The following PRRX2 variants were observed in gnomAD, a reference collection of about 807,000 sequenced individuals.
PRRX2 encodes the protein paired related homeobox 2.
A neutral mutation model predicts 18.0 loss-of-function variants in PRRX2; 11 were observed. The observed-to-expected ratio is 0.61, with a 90% confidence interval of 0.39 to 1.01. The LOEUF is 1.01. Ranked by LOEUF, PRRX2 falls within the 50% of genes least tolerant of loss-of-function variation. PRRX2 has a pLI of 0.01. For missense variants in PRRX2, 387 were observed against 351.0 expected (o/e 1.10, Z -0.82); for synonymous variants, 177 against 154.8 (o/e 1.14, Z -1.06).
intron 1 of PRRX2, 135 bp downstream of exon 1, chr9:129,666,261 C>T: frequency 2.1e-5 from 15 of 719,252 alleles, no homozygotes; most frequent in Non-Finnish European, 2.4e-5. Context: ...TCTGGGGGCG[C>T]GTGTAAGTGA....
chr9:129,720,229 G>A (rs1237003596), intron 2 of PRRX2, among the ~76,000 whole-genome samples: 3 of 148,870 alleles, frequency 2.0e-5, no homozygotes, highest in Non-Finnish European at 4.4e-5. Flanking sequence ...CTCTCCCCGC[G>A]AGTGCTCAGC....
Position 129,705,448 on chromosome 9 carries a change from G to A in PRRX2, c.260-13783G>A, listed in dbSNP as rs536027122. On this transcript the variant is annotated intron_variant, in intron 1 of 3. Coordinates refer to ENST00000372469, the MANE Select transcript of PRRX2 (RefSeq NM_016307.4). Reference sequence around the variant, plus strand: ...TGGCCCACGGCAACCTCCGCCTCCCGGGTTCAAGCAATTCTCCTGCCTCAG... The same window carrying A: ...TGGCCCACGGCAACCTCCGCCTCCCAGGTTCAAGCAATTCTCCTGCCTCAG... 8.5e-5 allele frequency among the ~76,000 whole-genome samples: 13 copies of A among 152,208 alleles called. 1 individual carries two copies. The South Asian group carries it at 1.0e-3, about 12-fold the overall frequency.
chr9:129,683,172 A>G (rs559526642), intron 1 of PRRX2, among the ~76,000 whole-genome samples: 1 of 152,254 alleles, frequency 6.6e-6, no homozygotes, highest in East Asian at 1.9e-4. Context: ...TATTTGGGTG[A>G]AGTCACTGCC....
intron 1 of PRRX2, among the ~76,000 whole-genome samples, chr9:129,681,372 T>G (rs1239594173): frequency 6.6e-6 from 1 of 151,920 alleles, no homozygotes; most frequent in Non-Finnish European, 1.5e-5. Flanking sequence ...ATACAAAAAT[T>G]AGCCAGGCAT....
At chr9:129,702,174 G>A (rs1832506681) in intron 1 of PRRX2, among the ~76,000 whole-genome samples, 1 of 151,930 alleles carries the variant, frequency 6.6e-6, no homozygotes, top group African/African-American at 2.4e-5. Context: ...GAGGCGGGTG[G>A]ATCACGAGGT....
chr9:129,694,477 G>C (rs747194019), intron 1 of PRRX2, among the ~76,000 whole-genome samples: 1 of 152,204 alleles, frequency 6.6e-6, no homozygotes, highest in Non-Finnish European at 1.5e-5. Flanking sequence ...AAGCCACCGT[G>C]TCCAGCCCTT....
At chr9:129,683,915 G>A (rs373143789) in intron 1 of PRRX2, among the ~76,000 whole-genome samples, 1 of 152,248 alleles carries the variant, frequency 6.6e-6, no homozygotes, top group Admixed American at 6.5e-5. Context: ...GAGCCCTCCT[G>A]TCCCTACCCT....
At chr9:129,681,790 C>T (rs565586021) in intron 1 of PRRX2, among the ~76,000 whole-genome samples, 53 of 152,084 alleles carry the variant, frequency 3.5e-4, no homozygotes, top group African/African-American at 1.3e-3. Context: ...GGGGAGTGAA[C>T]CCCATTCCAG....
chr9:129,683,955 G>T (rs1201447316), intron 1 of PRRX2, among the ~76,000 whole-genome samples: 1 of 152,132 alleles, frequency 6.6e-6, no homozygotes, highest in Non-Finnish European at 1.5e-5. Context: ...GCTAACGGGA[G>T]CCCCTCCCAA....
intron 1 of PRRX2, among the ~76,000 whole-genome samples, chr9:129,705,148 G>A (rs1243122399): frequency 9.1e-5 from 5 of 55,228 alleles, no homozygotes; most frequent in East Asian, 5.0e-4. Context: ...CACCCACCCC[G>A]CACCCCATTC....
At chr9:129,683,762 C>A (rs1321280159) in intron 1 of PRRX2, among the ~76,000 whole-genome samples, 5 of 152,176 alleles carry the variant, frequency 3.3e-5, no homozygotes, top group African/African-American at 9.6e-5. Context: ...AAAAAAGACA[C>A]AGGCAGGTAA....
At chr9:129,684,532 A>ACACACACCCC (rs1165343797) in intron 1 of PRRX2, among the ~76,000 whole-genome samples, 8 of 140,282 alleles carry the variant, frequency 5.7e-5, no homozygotes, top group African/African-American at 8.6e-5. Flanking sequence ...ACCCACACAC[A>ACACACACCCC]CCCCAACAGA....
rs1044371810 is a variant in PRRX2, at chr9:129,709,432, G to A, written c.260-9799G>A. 1.3e-5 allele frequency among the ~76,000 whole-genome samples: 2 copies of A among 152,134 alleles called. No individual in the cohort carries two copies. Among genetic ancestry groups the A allele is most frequent in the African/African-American group, 4.8e-5 (2 of 41,424 alleles). ...TCCAGGGTCATCCTGAGCCTGCGGA[G>A]GCCACACTAGCCACCATTCTTGCAG... On this transcript the variant is annotated intron_variant, in intron 1 of 3. Coordinates refer to ENST00000372469, the MANE Select transcript of PRRX2 (RefSeq NM_016307.4). The surrounding 1 kb of genome is among the most constrained non-coding windows in gnomAD (Gnocchi z 4.2).
intron 1 of PRRX2, among the ~76,000 whole-genome samples, chr9:129,685,087 ACT>A: frequency 6.6e-6 from 1 of 151,960 alleles, no homozygotes; most frequent in East Asian, 1.9e-4. Flanking sequence ...TGAGGGCATC[ACT>A]CTGGCCAGAG....
At chr9:129,668,716 G>T (rs1832058721) in intron 1 of PRRX2, among the ~76,000 whole-genome samples, 1 of 145,886 alleles carries the variant, frequency 6.9e-6, no homozygotes, top group Admixed American at 7.0e-5. Context: ...GGCGGAGGTT[G>T]CAGTGAGCCA....
chr9:129,717,695 CAAAAA>C (rs568330077), intron 1 of PRRX2, among the ~76,000 whole-genome samples: 12 of 82,528 alleles, frequency 1.5e-4, no homozygotes, highest in African/African-American at 3.1e-4. Context: ...GACTCCGCCT[CAAAAA>C]AAAAAAAAAA....
At chr9:129,684,501 CA>C (rs1429348479) in intron 1 of PRRX2, among the ~76,000 whole-genome samples, 60 of 78,050 alleles carry the variant, frequency 7.7e-4, no homozygotes, top group African/African-American at 2.8e-3. Context: ...CACACACACA[CA>C]CACACACACA....
chr9:129,722,129 G>C (rs940457680), intron 3 of PRRX2, 88 bp from the exon 4 acceptor site: 196 of 1,525,282 alleles, frequency 1.3e-4, no homozygotes, highest in Non-Finnish European at 1.6e-4. Flanking sequence ...AGCTAAGGAG[G>C]GGGGTGGCAG....
intron 1 of PRRX2, among the ~76,000 whole-genome samples, chr9:129,692,736 CT>C (rs1220250544): frequency 1.3e-5 from 2 of 152,252 alleles, no homozygotes; most frequent in South Asian, 2.1e-4. Flanking sequence ...TCGATAGCTC[CT>C]TTTTTCAGTG....
Sources: gnomAD v4.1 joint callset for allele counts (sites outside exome capture counted in the v4.1 genomes callset) on GRCh38, gnomAD v4.1.1 for gene constraint, Gnocchi (gnomAD v3.1) non-coding constraint, MANE v1.5 for transcripts, NCBI Gene and HGNC (gene_info 2026-07-23, HGNC 2026-07-21) for gene names.